ARHGEF10L: variants seen among roughly 807,000 people sequenced by gnomAD.
ARHGEF10L encodes rho guanine nucleotide exchange factor 10-like protein.
In ARHGEF10L, 69 loss-of-function variants were observed where a neutral mutation model predicts 141.2. The ratio of observed to expected loss-of-function variants is 0.49; its 90% confidence interval spans 0.40 to 0.60. The LOEUF (loss-of-function observed/expected upper bound fraction) is 0.60. Ranked by LOEUF, ARHGEF10L falls within the 20% of genes least tolerant of loss-of-function variation. The pLI, the probability that ARHGEF10L is intolerant of heterozygous loss-of-function variation, is 0.00. For missense variants in ARHGEF10L, 1,482 were observed against 1,734.3 expected, an observed-to-expected ratio of 0.85 and a Z score of 2.58; for synonymous variants, 711 against 718.5, an observed-to-expected ratio of 0.99 and a Z score of 0.17.
Position 17,678,683 on chromosome 1 carries a change from T to G in ARHGEF10L, c.3010-8890T>G, listed in dbSNP as rs367973446. ...ATCTGCCCACCTCAGCTTCCCAAAG[T>G]GCTGGGATTACAGGCATGAGCCACC... On this transcript the variant is annotated intron_variant, in intron 26 of 28. Coordinates refer to ENST00000361221, the MANE Select transcript of ARHGEF10L (RefSeq NM_018125.4). Among the ~76,000 whole-genome samples the G allele has an allele frequency of 3.7e-4, 57 of 152,256 alleles. No individual in the cohort carries two copies. The East Asian group carries it at 7.7e-3, about 21-fold the overall frequency.
At chr1:17,678,603 G>A (rs1410668019) in intron 26 of ARHGEF10L, among the ~76,000 whole-genome samples, 1 of 152,180 alleles carries the variant, frequency 6.6e-6, no homozygotes. Flanking sequence ...ATTTTTAGTA[G>A]AGATGAGGTT....
At chr1:17,519,049 C>T in the ARHGEF10L span, among the ~76,000 whole-genome samples, 3 of 151,642 alleles carry the variant, frequency 2.0e-5, no homozygotes, top group African/African-American at 7.3e-5. Flanking sequence ...GTGGCGCATG[C>T]CTGTAATCCC....
chr1:17,668,429 C>T (rs998049549), intron 26 of ARHGEF10L, among the ~76,000 whole-genome samples: 7 of 152,300 alleles, frequency 4.6e-5, no homozygotes, highest in Non-Finnish European at 1.0e-4. Context: ...CCTTGCCAGC[C>T]GTAGTGCAGT....
chr1:17,634,254 T>G, intron 16 of ARHGEF10L: 1 of 533,126 alleles, frequency 1.9e-6, no homozygotes, highest in African/African-American at 1.9e-5. Flanking sequence ...GTGGCCCGGT[T>G]TTGGGGAATC....
intron 19 of ARHGEF10L, 41 bp downstream of exon 19, chr1:17,638,044 G>T (rs1239034379): frequency 6.6e-6 from 10 of 1,523,828 alleles, no homozygotes; most frequent in Non-Finnish European, 8.9e-6. Context: ...GAGCTCCCCA[G>T]TGTGGGCAGT....
rs1571031818 is a variant in ARHGEF10L at position 17,625,279 on chromosome 1, A to T, written c.1318-677A>T. Among the ~76,000 whole-genome samples, 1 of 152,146 alleles carries T rather than the reference A, an allele frequency of 6.6e-6. No individual in the cohort carries two copies. The highest frequency in any genetic ancestry group is 1.5e-5 in the Non-Finnish European group (1 of 68,022). On this transcript the variant is annotated intron_variant, in intron 13 of 28. Transcript: ENST00000361221. This position sits in a 1 kb window ranked among gnomAD's most constrained non-coding sequence, Gnocchi z 4.5. ...AAAGGTTAGAGGCAGGAGGAGAGGG[A>T]TGGGCAGGTCTGTTTGGATTCTGGG...
intron 1 of ARHGEF10L, among the ~76,000 whole-genome samples, chr1:17,579,537 T>C (rs2078386818): frequency 6.6e-6 from 1 of 152,254 alleles, no homozygotes; most frequent in African/African-American, 2.4e-5. Flanking sequence ...ATTTGTAAAG[T>C]GCTTAAAATT....
chr1:17,543,007 G>A (rs996126289), intron 1 of ARHGEF10L, among the ~76,000 whole-genome samples: 50 of 152,302 alleles, frequency 3.3e-4, no homozygotes, highest in African/African-American at 1.1e-3. Flanking sequence ...ACAACTGAGT[G>A]TGCCAGAGTT....
chr1:17,642,226 G>A (rs2061366219), intron 21 of ARHGEF10L, among the ~76,000 whole-genome samples: 1 of 152,158 alleles, frequency 6.6e-6, no homozygotes, highest in Admixed American at 6.5e-5. Flanking sequence ...GGCTGGGGCT[G>A]CCATCTGGGG....
chr1:17,617,874 G>A (rs1570956691), intron 9 of ARHGEF10L, among the ~76,000 whole-genome samples: 2 of 152,290 alleles, frequency 1.3e-5, no homozygotes, highest in East Asian at 1.9e-4. Context: ...TTGGTGCCAG[G>A]ACGGCCTCGT....
intron 26 of ARHGEF10L, among the ~76,000 whole-genome samples, chr1:17,677,371 G>A (rs766532906): frequency 6.6e-5 from 10 of 152,182 alleles, no homozygotes; most frequent in African/African-American, 9.7e-5. Context: ...GCACTCACTC[G>A]TCTCTTCCTC....
At chr1:17,549,812 C>G (rs933016950) in intron 1 of ARHGEF10L, among the ~76,000 whole-genome samples, 3 of 152,112 alleles carry the variant, frequency 2.0e-5, no homozygotes, top group Non-Finnish European at 4.4e-5. Context: ...CACCTTTTTC[C>G]AATAATTTAT....
intron 26 of ARHGEF10L, among the ~76,000 whole-genome samples, chr1:17,668,716 GAA>G (rs1474535085): frequency 1.3e-5 from 2 of 152,214 alleles, no homozygotes; most frequent in Non-Finnish European, 2.9e-5. Flanking sequence ...CAGGGAAATG[GAA>G]AAGTTTCTGT....
intron 4 of ARHGEF10L, among the ~76,000 whole-genome samples, chr1:17,600,309 G>A (rs78775976): frequency 0.023 from 3,519 of 152,306 alleles, 149 homozygotes; most frequent in African/African-American, 0.079. Context: ...GTGCCAGGAA[G>A]GGAAGTTCAA....
At chr1:17,514,112 C>A in the ARHGEF10L span, among the ~76,000 whole-genome samples, 1 of 147,836 alleles carries the variant, frequency 6.8e-6, no homozygotes, top group African/African-American at 2.5e-5. Context: ...GTGTGAGCCA[C>A]CTCACCCAGC....
intron 2 of ARHGEF10L, among the ~76,000 whole-genome samples, chr1:17,586,613 C>G (rs1441305454): frequency 6.6e-6 from 1 of 152,158 alleles, no homozygotes; most frequent in African/African-American, 2.4e-5. Flanking sequence ...TCCCTTCACT[C>G]ATGTAACAAA....
intron 19 of ARHGEF10L, 121 bp downstream of exon 19, chr1:17,638,124 T>G: frequency 2.3e-6 from 2 of 874,810 alleles, no homozygotes; most frequent in East Asian, 5.4e-5. Context: ...GCTCCTAGCT[T>G]CTGAGCTCCT....
At chr1:17,545,872 C>G (rs934939877) in intron 1 of ARHGEF10L, among the ~76,000 whole-genome samples, 2 of 152,198 alleles carry the variant, frequency 1.3e-5, no homozygotes, top group Admixed American at 6.5e-5. Context: ...GCCTCTGAAC[C>G]TTTGCACATG....
At position 17,630,614 on chromosome 1, in the gene ARHGEF10L, G is replaced by A. The variant is rs534741369; in HGVS notation, c.1585-1707G>A. ...GCTCAATGCAGGGAATGGTGAACGTGGCCTGGCTCTGTCCTGTGCTGTCAA... is the reference window on the plus strand; with the variant it reads ...GCTCAATGCAGGGAATGGTGAACGTAGCCTGGCTCTGTCCTGTGCTGTCAA... On this transcript the variant is annotated intron_variant, in intron 15 of 28. Coordinates refer to ENST00000361221, the MANE Select transcript of ARHGEF10L (RefSeq NM_018125.4). Among the ~76,000 whole-genome samples the A allele has an allele frequency of 1.1e-4, 16 of 152,362 alleles. No homozygotes were observed. The East Asian group carries it at 3.1e-3, about 29-fold the overall frequency.
Sources: allele counts gnomAD v4.1 joint callset (sites outside exome capture counted in the v4.1 genomes callset), GRCh38; gene constraint gnomAD v4.1.1; non-coding constraint Gnocchi (gnomAD v3.1); transcripts MANE v1.5; gene names NCBI Gene and HGNC (gene_info 2026-07-23, HGNC 2026-07-21).